XNDC1N: variants seen among roughly 807,000 people sequenced by gnomAD.
XNDC1N encodes the protein XRCC1 N-terminal domain containing 1, N-terminal like, also known as protein XNDC1N.
chr11:71,919,929 C>CTT, the XNDC1N span, among the ~76,000 whole-genome samples: 120 of 26,626 alleles, frequency 4.5e-3, 44 homozygotes, highest in Non-Finnish European at 7.8e-3. Context: ...AAGCAGGCCT[C>CTT]TTTTTTTTTT....
chr11:71,906,897 G>A, the XNDC1N span, among the ~76,000 whole-genome samples: 1 of 152,092 alleles, frequency 6.6e-6, no homozygotes, highest in East Asian at 1.9e-4. Context: ...TATGAGGAGT[G>A]ATATCTTATA....
the XNDC1N span, among the ~76,000 whole-genome samples, chr11:71,902,900 T>C: frequency 6.6e-6 from 1 of 152,234 alleles, no homozygotes. Context: ...CAATTACGAA[T>C]TTGTTATATA....
chr11:71,925,908 T>C, the XNDC1N span: 2 of 149,038 alleles, frequency 1.3e-5, no homozygotes, highest in African/African-American at 4.9e-5. Flanking sequence ...TAAAAAGACA[T>C]AGTCTCTGTT....
the XNDC1N span, among the ~76,000 whole-genome samples, chr11:71,880,450 A>G: frequency 6.6e-6 from 1 of 152,060 alleles, no homozygotes; most frequent in African/African-American, 2.4e-5. Context: ...AAGTCTGTTT[A>G]TCTCTTCCAA....
At chr11:71,903,646 T>C in the XNDC1N span, 1 of 436,262 alleles carries the variant, frequency 2.3e-6, no homozygotes, top group Non-Finnish European at 4.0e-6. Flanking sequence ...CTTGTTTTTT[T>C]TTTCTTTTTT....
the XNDC1N span, among the ~76,000 whole-genome samples, chr11:71,888,598 G>T: frequency 1.3e-5 from 2 of 152,204 alleles, no homozygotes; most frequent in East Asian, 3.9e-4. Flanking sequence ...GGCCGAGGCT[G>T]GGGGCCTACC....
chr11:71,919,779 G>C, the XNDC1N span, among the ~76,000 whole-genome samples: 1 of 144,244 alleles, frequency 6.9e-6, no homozygotes, highest in Non-Finnish European at 1.5e-5. Context: ...CACCATGCCC[G>C]GCTAATTTTT....
the XNDC1N span, among the ~76,000 whole-genome samples, chr11:71,871,406 C>T: frequency 6.6e-6 from 1 of 152,094 alleles, no homozygotes; most frequent in Non-Finnish European, 1.5e-5. Context: ...CATGGTCAAA[C>T]AGTACAAAGC....
chr11:71,917,994 A>G, the XNDC1N span, among the ~76,000 whole-genome samples: 2 of 152,200 alleles, frequency 1.3e-5, no homozygotes, highest in Non-Finnish European at 2.9e-5. Flanking sequence ...TCCCAGCCAG[A>G]AACCTTCCCC....
the XNDC1N span, among the ~76,000 whole-genome samples, chr11:71,926,771 C>T: frequency 3.3e-5 from 5 of 151,744 alleles, no homozygotes; most frequent in Admixed American, 6.6e-5. Flanking sequence ...TGTGGTGGCA[C>T]ATGCCTGTAA....
At chr11:71,910,288 T>C in the XNDC1N span, among the ~76,000 whole-genome samples, 2 of 152,206 alleles carry the variant, frequency 1.3e-5, no homozygotes, top group African/African-American at 4.8e-5. Flanking sequence ...TTGGGGTTGC[T>C]GCCAGCTGAG....
chr11:71,873,042 T>C, the XNDC1N span, among the ~76,000 whole-genome samples: 1 of 152,192 alleles, frequency 6.6e-6, no homozygotes, highest in Non-Finnish European at 1.5e-5. Flanking sequence ...TATATGAATC[T>C]TCCCATAAAC....
the XNDC1N span, among the ~76,000 whole-genome samples, chr11:71,875,639 C>CT: frequency 2.2e-4 from 33 of 151,756 alleles, no homozygotes; most frequent in African/African-American, 8.0e-4. Flanking sequence ...AAAAAAAAAA[C>CT]TAAATACAGG....
At chr11:71,876,049 G>C in the XNDC1N span, among the ~76,000 whole-genome samples, 1 of 151,896 alleles carries the variant, frequency 6.6e-6, no homozygotes, top group South Asian at 2.1e-4. Context: ...ATAAGAAAAA[G>C]AAAACCGGCA....
the XNDC1N span, among the ~76,000 whole-genome samples, chr11:71,889,904 CT>C: frequency 1.3e-5 from 2 of 152,290 alleles, no homozygotes; most frequent in African/African-American, 4.8e-5. Context: ...GAAGTAACCC[CT>C]GTGCTTCTTC....
chr11:71,870,719 A>T, the XNDC1N span, among the ~76,000 whole-genome samples: 1 of 152,206 alleles, frequency 6.6e-6, no homozygotes, highest in Non-Finnish European at 1.5e-5. Context: ...AAAAATGGGC[A>T]TGGGAGGTGA....
the XNDC1N span, among the ~76,000 whole-genome samples, chr11:71,912,163 C>T: frequency 3.9e-4 from 59 of 152,292 alleles, no homozygotes; most frequent in South Asian, 2.9e-3. Context: ...TTACCTGCCG[C>T]CAGCATGATG....
At chr11:71,871,986 T>C in the XNDC1N span, among the ~76,000 whole-genome samples, 5 of 152,322 alleles carry the variant, frequency 3.3e-5, no homozygotes, top group South Asian at 8.3e-4. Context: ...GAATATATCA[T>C]GCAATTTAAT....
the XNDC1N span, among the ~76,000 whole-genome samples, chr11:71,909,551 G>A: frequency 8.5e-5 from 13 of 152,322 alleles, no homozygotes; most frequent in East Asian, 3.9e-4. Context: ...GGGAGACCCG[G>A]CTCAAGCGTT....
Sources: gnomAD v4.1 joint callset for allele counts (sites outside exome capture counted in the v4.1 genomes callset) on GRCh38, gnomAD v4.1.1 for gene constraint, MANE v1.5 for transcripts, NCBI Gene and HGNC (gene_info 2026-07-23, HGNC 2026-07-21) for gene names.